The following BSPH1 variants were observed in gnomAD, a reference collection of about 807,000 sequenced individuals.
BSPH1 encodes the protein binder of sperm protein homolog 1.
Under a neutral mutation model 22.5 loss-of-function variants are expected in BSPH1, and 21 were observed. The observed-to-expected ratio is 0.93, with a 90% CI of 0.66 to 1.35. The LOEUF (loss-of-function observed/expected upper bound fraction) is 1.35. Among genes scored for constraint, BSPH1 ranks in the 40% most tolerant of loss-of-function variants. The pLI is 0.00. For synonymous variants in BSPH1, 42 were observed against 53.6 expected, an observed-to-expected ratio of 0.78 and a Z score of 0.95; for missense variants, 141 against 154.2, an observed-to-expected ratio of 0.91 and a Z score of 0.45.
chr19:47,973,281 A>G (rs1969329799), intron 5 of BSPH1, among the ~76,000 whole-genome samples: 1 of 151,300 alleles, frequency 6.6e-6, no homozygotes, highest in Non-Finnish European at 1.5e-5. Context: ...GTAACATGCC[A>G]GAGACAGTAG....
intron 1 of BSPH1, among the ~76,000 whole-genome samples, chr19:47,987,920 C>T (rs1047240274): frequency 1.3e-5 from 2 of 151,940 alleles, no homozygotes; most frequent in African/African-American, 2.4e-5. Context: ...ACTTCAGTCC[C>T]GGGAGGCGGA....
At chr19:47,969,536 C>T (rs1969289597) in intron 5 of BSPH1, among the ~76,000 whole-genome samples, 1 of 151,842 alleles carries the variant, frequency 6.6e-6, no homozygotes, top group Non-Finnish European at 1.5e-5. Flanking sequence ...AGAAACGACA[C>T]CTGTAATTCA....
rs1777910194 is a variant in BSPH1, at chr19:47,992,027, T to C, written c.55A>G (p.Ile19Val). The change falls in exon 1 of 6, where the codon ATC becomes GTC. Residue 19 changes from isoleucine (I) to valine (V), a missense_variant. Coordinates refer to ENST00000344839, the MANE Select transcript of BSPH1 (RefSeq NM_001128326.2). ...GAAATACTTAAAATAACAGGGAAGA[T>C]GCAAGCTGAGGAATTTCGCGTCGTT... is the stretch of plus-strand genomic sequence containing the variant. Reference protein sequence around the residue: ...VETTRNSSACIFPVILNELSS... With the variant: ...VETTRNSSACVFPVILNELSS... 6.5e-7 allele frequency: 1 copy of C among 1,549,966 alleles called. No individual in the cohort carries two copies. The highest frequency in any genetic ancestry group is 8.7e-7 in the Non-Finnish European group (1 of 1,145,498).
At chr19:47,975,649 ATTTTTT>A (rs199878812) in intron 5 of BSPH1, among the ~76,000 whole-genome samples, 117 of 124,946 alleles carry the variant, frequency 9.4e-4, no homozygotes, top group African/African-American at 3.0e-3. Flanking sequence ...AAGGTAATGC[ATTTTTT>A]TTTTTTTTTT....
Position 47,974,162 on chromosome 19 carries a change from G to A in BSPH1, c.*2+2548C>T, listed in dbSNP as rs557972579. On this transcript the variant is annotated intron_variant, in intron 5 of 5. Coordinates refer to ENST00000344839, the MANE Select transcript of BSPH1 (RefSeq NM_001128326.2). Reference sequence around the variant, plus strand: ...TTCCCTTTGCTTTCTACTTGGGCTTGACCAATGGGATGCACTGGCAGGAGA... The same window carrying A: ...TTCCCTTTGCTTTCTACTTGGGCTTAACCAATGGGATGCACTGGCAGGAGA... Among the ~76,000 whole-genome samples the A allele has an allele frequency of 1.6e-3, 247 of 151,876 alleles. 1 individual carries two copies. Among genetic ancestry groups the A allele is most frequent in the African/African-American group, 5.8e-3 (240 of 41,388 alleles).
intron 5 of BSPH1, among the ~76,000 whole-genome samples, chr19:47,973,935 C>T (rs1246183292): frequency 6.6e-6 from 1 of 152,192 alleles, no homozygotes; most frequent in African/African-American, 2.4e-5. Context: ...CTCTGTTCTT[C>T]TCCCACACCC....
At chr19:47,985,285 A>G (rs527815526) in intron 1 of BSPH1, among the ~76,000 whole-genome samples, 52 of 152,162 alleles carry the variant, frequency 3.4e-4, no homozygotes, top group Non-Finnish European at 7.1e-4. Context: ...CCTACAGAGA[A>G]GCAAAGATAA....
intron 5 of BSPH1, among the ~76,000 whole-genome samples, chr19:47,970,251 G>A (rs1488618705): frequency 6.6e-6 from 1 of 152,040 alleles, no homozygotes; most frequent in Non-Finnish European, 1.5e-5. Flanking sequence ...TAGAGACTGG[G>A]CTTCACCATG....
chr19:47,987,939 T>A (rs1969486437), intron 1 of BSPH1, among the ~76,000 whole-genome samples: 1 of 152,084 alleles, frequency 6.6e-6, no homozygotes. Flanking sequence ...GAGGTTGCAG[T>A]GTGCTGAGAT....
intron 1 of BSPH1, among the ~76,000 whole-genome samples, chr19:47,984,230 ATT>A (rs1194020636): frequency 2.0e-5 from 3 of 147,334 alleles, no homozygotes; most frequent in East Asian, 1.9e-4. Flanking sequence ...AAATATATAT[ATT>A]ATATATTTTT....
intron 5 of BSPH1, among the ~76,000 whole-genome samples, chr19:47,971,362 A>G (rs1226794214): frequency 6.6e-6 from 1 of 152,036 alleles, no homozygotes; most frequent in Non-Finnish European, 1.5e-5. Flanking sequence ...CATGCCACCA[A>G]GCCCAGCTAG....
At chr19:47,978,444 A>G (rs1037192266) in intron 3 of BSPH1, among the ~76,000 whole-genome samples, 4 of 152,160 alleles carry the variant, frequency 2.6e-5, no homozygotes, top group Non-Finnish European at 5.9e-5. Flanking sequence ...TGTGATATGG[A>G]TTCAACACAA....
At chr19:47,981,012 T>G in intron 1 of BSPH1, 71 bp from the exon 2 acceptor site, 1 of 851,170 alleles carries the variant, frequency 1.2e-6, no homozygotes, top group East Asian at 2.9e-5. Context: ...TTTCACCAAT[T>G]TCTATTCTAG....
chr19:47,985,910 A>G (rs1160192561), intron 1 of BSPH1, among the ~76,000 whole-genome samples: 1 of 152,136 alleles, frequency 6.6e-6, no homozygotes, highest in Non-Finnish European at 1.5e-5. Flanking sequence ...GAGCTTATGA[A>G]GTCCCCTGAA....
chr19:47,968,937 T>G (rs1428540698), intron 5 of BSPH1, among the ~76,000 whole-genome samples: 1 of 148,594 alleles, frequency 6.7e-6, no homozygotes, highest in Non-Finnish European at 1.5e-5. Flanking sequence ...AGGCGGAGGT[T>G]GCAGTGAGCC....
intron 4 of BSPH1, 38 bp from the exon 5 acceptor site, chr19:47,976,892 C>T (rs999984619): frequency 6.5e-7 from 1 of 1,546,394 alleles, no homozygotes; most frequent in Non-Finnish European, 8.7e-7. Context: ...AGTAAGAAAC[C>T]TTTCTAATTT....
intron 5 of BSPH1, among the ~76,000 whole-genome samples, chr19:47,976,249 C>T (rs145224704): frequency 7.0e-4 from 107 of 152,200 alleles, no homozygotes; most frequent in African/African-American, 2.2e-3. Context: ...CTCAGCTTCC[C>T]GAGTAGCTGA....
intron 1 of BSPH1, among the ~76,000 whole-genome samples, chr19:47,981,473 A>G (rs1366250): frequency 0.68 from 104,165 of 152,206 alleles, 36,138 homozygotes; most frequent in African/African-American, 0.79. Context: ...TATTTAACTT[A>G]TCAGAACAAT....
At chr19:47,987,184 C>T (rs933125091) in intron 1 of BSPH1, among the ~76,000 whole-genome samples, 6 of 152,290 alleles carry the variant, frequency 3.9e-5, no homozygotes, top group Non-Finnish European at 5.9e-5. Context: ...CTATGCAATG[C>T]AACCCCAGAC....
Sources: gnomAD v4.1 joint callset for allele counts (sites outside exome capture counted in the v4.1 genomes callset) on GRCh38, gnomAD v4.1.1 for gene constraint, MANE v1.5 for transcripts, NCBI Gene and HGNC (gene_info 2026-07-23, HGNC 2026-07-21) for gene names.